Variants in PIK3CA observed in about 807,000 individuals in gnomAD.
PIK3CA encodes phosphatidylinositol-4,5-bisphosphate 3-kinase catalytic subunit alpha.
PIK3CA carries 27 observed loss-of-function variants against 138.2 expected under a neutral mutation model. The observed-to-expected ratio is 0.20, with a 90% CI of 0.14 to 0.27. The LOEUF is 0.27. PIK3CA is among the 10% of genes least tolerant of loss of function. PIK3CA has a pLI of 1.00. For synonymous variants in PIK3CA, 358 were observed against 413.2 expected (o/e 0.87, Z 1.62); for missense variants, 544 against 1,277.4 (o/e 0.43, Z 8.75).
intron 1 of PIK3CA, among the ~76,000 whole-genome samples, chr3:179,171,736 A>G (rs115397696): frequency 0.04 from 6,116 of 152,258 alleles, 167 homozygotes; most frequent in Non-Finnish European, 0.063. Context: ...AATAAATTGA[A>G]TTAGTAGTTT....
intron 1 of PIK3CA, among the ~76,000 whole-genome samples, chr3:179,161,267 A>G (rs143781506): frequency 1.7e-4 from 26 of 152,326 alleles, no homozygotes; most frequent in African/African-American, 3.6e-4. Context: ...TACATTTTCT[A>G]TCTTCTTGTC....
chr3:179,151,873 G>A (rs73882955), intron 1 of PIK3CA, among the ~76,000 whole-genome samples: 139 of 152,230 alleles, frequency 9.1e-4, no homozygotes, highest in African/African-American at 3.1e-3. Flanking sequence ...TGTTCCCATA[G>A]CATCGTGTAC....
At position 179,210,314 on chromosome 3, in the gene PIK3CA, T is replaced by C; in HGVS notation, c.1380T>C (p.Gly460=). 4.4e-6 allele frequency: 7 copies of C among 1,588,142 alleles called. No homozygotes were observed. Among genetic ancestry groups the C allele is most frequent in the Non-Finnish European group, 6.0e-6 (7 of 1,173,844 alleles). The part of the protein sequence containing the change: ...HGLEDLLNPI[G]VTGSNPNKET... ...TAGAAGATTTGCTGAACCCTATTGG[T>C]GTTACTGGATCAAATCCAAATAAAG... Residue 460 remains glycine, a synonymous_variant, in exon 8 of 21, where the codon GGT becomes GGC. Coordinates refer to ENST00000263967, the MANE Select transcript of PIK3CA (RefSeq NM_006218.4).
Position 179,238,384 on chromosome 3 carries a change from T to G in PIK3CA, c.*4020T>G, listed in dbSNP as rs1725372250. 1 of 217,816 alleles carries G rather than the reference T, an allele frequency of 4.6e-6. No individual in the cohort carries two copies. Among genetic ancestry groups the G allele is most frequent in the African/African-American group, 2.2e-5 (1 of 44,504 alleles). The allele number at this position is 217,816 out of a possible 1,614,324, so 13.5% of individuals were successfully genotyped here. A position where few individuals can be genotyped will look rare whatever the true frequency, so the allele number is the denominator to read the frequency against. ...GTGCCATGGCCTGGGAAGCCTGCTT[T>G]CTTTTTTCATAAAAATTATTTTTAC... On this transcript the variant is annotated 3_prime_UTR_variant, in exon 21 of 21. Transcript: ENST00000263967.
intron 9 of PIK3CA, among the ~76,000 whole-genome samples, chr3:179,212,639 C>T (rs1413569555): frequency 6.6e-6 from 1 of 151,766 alleles, no homozygotes; most frequent in East Asian, 2.0e-4. Flanking sequence ...TGGGGTCTCA[C>T]TGTGTTGCCT....
intron 9 of PIK3CA, among the ~76,000 whole-genome samples, chr3:179,212,472 T>C (rs1475871614): frequency 6.6e-6 from 1 of 151,516 alleles, no homozygotes; most frequent in African/African-American, 2.4e-5. Flanking sequence ...AGCCAGGCGT[T>C]GTTGTACATG....
rs766211373 is a variant in PIK3CA, at chr3:179,240,015, GA to G, written c.*5654del. The G allele has an allele frequency of 6.5e-7, 1 of 1,546,750 alleles. No homozygotes were observed. Among genetic ancestry groups the G allele is most frequent in the South Asian group, 1.2e-5 (1 of 83,618 alleles). On this transcript the variant is annotated 3_prime_UTR_variant, in exon 21 of 21. Transcript: ENST00000263967. The stretch of plus-strand genomic sequence containing the variant: ...CTGCACTTACTGTTTATGCTCATCA[GA>G]AACTGTCAATGTCTGCTTTTCTTTA...
chr3:179,225,693 C>G (rs1366610384), intron 16 of PIK3CA, among the ~76,000 whole-genome samples: 1 of 151,784 alleles, frequency 6.6e-6, no homozygotes, highest in East Asian at 1.9e-4. Flanking sequence ...TTACTTGAGC[C>G]CAGGAGTTTT....
intron 1 of PIK3CA, among the ~76,000 whole-genome samples, chr3:179,171,104 T>C (rs546934093): frequency 2.0e-5 from 3 of 151,782 alleles, no homozygotes; most frequent in East Asian, 1.9e-4. Context: ...GTTTTGCAAC[T>C]ACAAAGGAAT....
chr3:179,183,856 C>A (rs1397634506), intron 1 of PIK3CA, among the ~76,000 whole-genome samples: 2 of 152,114 alleles, frequency 1.3e-5, no homozygotes, highest in Non-Finnish European at 2.9e-5. Context: ...AGTGTCTAAT[C>A]CTTGTTGTAT....
At chr3:179,183,560 G>A (rs1435477313) in intron 1 of PIK3CA, among the ~76,000 whole-genome samples, 2 of 152,198 alleles carry the variant, frequency 1.3e-5, no homozygotes, top group Admixed American at 1.3e-4. Context: ...TAGACATTAA[G>A]TGATCACCTT....
At chr3:179,215,656 T>C (rs1441812596) in intron 9 of PIK3CA, among the ~76,000 whole-genome samples, 2 of 152,182 alleles carry the variant, frequency 1.3e-5, no homozygotes, top group Admixed American at 1.3e-4. Context: ...GCATCATCTT[T>C]CCAGAAGTAT....
Position 179,230,445 on chromosome 3 carries a change from T to A in PIK3CA, c.2936+69T>A. On this transcript the variant is annotated intron_variant, in intron 20 of 20. Coordinates refer to ENST00000263967, the MANE Select transcript of PIK3CA (RefSeq NM_006218.4). This position sits in a 1 kb window ranked among gnomAD's most constrained non-coding sequence, Gnocchi z 5.4. ...GCTCTATTAGAAACAATCAATATTT[T>A]TCAAGCAATTTCAAAATAATAAATG... 1 of 1,296,482 alleles carries A rather than the reference T, an allele frequency of 7.7e-7. No individual in the cohort carries two copies. Among genetic ancestry groups the A allele is most frequent in the South Asian group, 1.4e-5 (1 of 68,984 alleles). 80.3% of individuals were successfully genotyped at this position (1,296,482 alleles called of 1,614,324 possible). A position where few individuals can be genotyped will look rare whatever the true frequency, so the allele number is the denominator to read the frequency against.
rs74539762 is a variant in PIK3CA, at chr3:179,154,210, C to T, written c.-77+5607C>T. Among the ~76,000 whole-genome samples, 959 of 152,228 alleles carry T rather than the reference C, an allele frequency of 6.3e-3. 7 individuals carry two copies. Among genetic ancestry groups the T allele is most frequent in the Non-Finnish European group, 1.0e-2 (677 of 68,008 alleles). On this transcript the variant is annotated intron_variant, in intron 1 of 20. Coordinates refer to ENST00000263967, the MANE Select transcript of PIK3CA (RefSeq NM_006218.4). ...AGAGCTCTGGTTTAGATGCCTAAAA[C>T]GGGTCCTCCTGGCCAGCAGACCCAG...
rs751886212 is a variant in PIK3CA at position 179,224,107 on chromosome 3, A to G, written c.2214A>G (p.Gln738=). ...TACAGATGAAGTTTTTAGTTGAGCA[A>G]ATGAGGCGACCAGATTTCATGGATG... The part of the protein sequence containing the change: ...QKVQMKFLVE[Q]MRRPDFMDAL... Residue 738 remains glutamine (Q), a synonymous_variant, in exon 15 of 21, where the codon CAA becomes CAG. Transcript: ENST00000263967. 3.1e-6 allele frequency: 5 copies of G among 1,607,220 alleles called. No homozygotes were observed. In the Admixed American group the frequency reaches 6.7e-5, roughly 21 times the overall value.
chr3:179,214,585 ATAT>A (rs367750984), intron 9 of PIK3CA, among the ~76,000 whole-genome samples: 65 of 152,282 alleles, frequency 4.3e-4, no homozygotes, highest in Middle Eastern at 3.4e-3. Context: ...AAAGCTTGAA[ATAT>A]TATAAGAATT....
chr3:179,203,010 G>A (rs1452920193), intron 4 of PIK3CA, among the ~76,000 whole-genome samples: 1 of 142,620 alleles, frequency 7.0e-6, no homozygotes, highest in Non-Finnish European at 1.5e-5. Context: ...GCAGGATCTC[G>A]GCTCACTGCA....
intron 9 of PIK3CA, among the ~76,000 whole-genome samples, chr3:179,212,244 G>A (rs1334360997): frequency 6.6e-6 from 1 of 151,122 alleles, no homozygotes; most frequent in African/African-American, 2.4e-5. Context: ...CTGACTTCAT[G>A]TGATCCACCC....
chr3:179,236,137 G>A lies in PIK3CA; in HGVS notation c.*1773G>A, dbSNP rs1365481890. 4.9e-6 allele frequency: 1 copy of A among 205,586 alleles called. No individual in the cohort carries two copies. Among genetic ancestry groups the A allele is most frequent in the Non-Finnish European group, 9.9e-6 (1 of 100,644 alleles). 12.7% of individuals were successfully genotyped at this position (205,586 alleles called of 1,614,324 possible). On this transcript the variant is annotated 3_prime_UTR_variant, in exon 21 of 21. Transcript: ENST00000263967. Reference sequence around the variant, plus strand: ...TTACCTATAGTTGAAGTCTTGAGTAGTGAACAAGGGACTCTAATACCAATA... The same window carrying A: ...TTACCTATAGTTGAAGTCTTGAGTAATGAACAAGGGACTCTAATACCAATA...
Sources: allele counts gnomAD v4.1 joint callset (sites outside exome capture counted in the v4.1 genomes callset), GRCh38; gene constraint gnomAD v4.1.1; non-coding constraint Gnocchi (gnomAD v3.1); transcripts MANE v1.5; gene names NCBI Gene and HGNC (gene_info 2026-07-23, HGNC 2026-07-21).